Variants in LMAN2L observed in about 807,000 individuals in gnomAD.
The protein encoded by LMAN2L is VIP36-like protein.
In LMAN2L, 30 loss-of-function variants were observed where a neutral mutation model predicts 44.3. The ratio of observed to expected loss-of-function variants is 0.68; its 90% CI spans 0.51 to 0.92. The LOEUF (loss-of-function observed/expected upper bound fraction) is 0.92, where lower values mean the gene tolerates loss of function less well. Among genes scored for constraint, LMAN2L ranks in the 40% least tolerant of loss-of-function variants. The probability of loss-of-function intolerance (pLI) is 0.00; values close to 1 mark genes in which losing one functional copy is unlikely to be tolerated. For missense variants in LMAN2L, 429 were observed against 446.1 expected, an observed-to-expected ratio of 0.96 and a Z score of 0.35; for synonymous variants, 183 against 171.1, an observed-to-expected ratio of 1.07 and a Z score of -0.54.
At chr2:96,738,890 G>A (rs1243128342) in intron 1 of LMAN2L, among the ~76,000 whole-genome samples, 1 of 152,044 alleles carries the variant, frequency 6.6e-6, no homozygotes, top group Non-Finnish European at 1.5e-5. Context: ...ACAGGCGCCC[G>A]CCACCACACC....
chr2:96,724,977 G>A (rs867760207), intron 4 of LMAN2L, among the ~76,000 whole-genome samples: 10 of 151,850 alleles, frequency 6.6e-5, no homozygotes, highest in Admixed American at 3.9e-4. Flanking sequence ...GACTACAGGC[G>A]CCGCCACCAT....
chr2:96,718,460 T>C (rs2078086400), intron 4 of LMAN2L, among the ~76,000 whole-genome samples: 1 of 152,180 alleles, frequency 6.6e-6, no homozygotes. Flanking sequence ...TACGCTTTTG[T>C]TTTTTCAGCA....
intron 2 of LMAN2L, among the ~76,000 whole-genome samples, chr2:96,736,791 C>T (rs1325122706): frequency 6.6e-6 from 1 of 152,104 alleles, no homozygotes; most frequent in African/African-American, 2.4e-5. Context: ...AGAGCTGGAC[C>T]GAGAATCCCA....
chr2:96,729,547 C>T (rs1292671504), intron 4 of LMAN2L, among the ~76,000 whole-genome samples: 1 of 150,102 alleles, frequency 6.7e-6, no homozygotes, highest in African/African-American at 2.5e-5. Flanking sequence ...TTGCTCTTGT[C>T]GCCCAGGCTG....
At chr2:96,707,658 G>T (rs2077813541) in intron 7 of LMAN2L, 56 bp downstream of exon 7, 5 of 1,605,102 alleles carry the variant, frequency 3.1e-6, no homozygotes, top group Admixed American at 1.7e-5. Flanking sequence ...TATGGGTACA[G>T]CACTGCAAGC....
chr2:96,710,863 A>G (rs1029157838), intron 6 of LMAN2L, among the ~76,000 whole-genome samples: 2 of 152,212 alleles, frequency 1.3e-5, no homozygotes, highest in African/African-American at 2.4e-5. Flanking sequence ...TATATTAATC[A>G]AAAGAAACAG....
At chr2:96,723,022 A>G (rs1352076596) in intron 4 of LMAN2L, among the ~76,000 whole-genome samples, 1 of 152,150 alleles carries the variant, frequency 6.6e-6, no homozygotes, top group Non-Finnish European at 1.5e-5. Context: ...TCCATCTCAA[A>G]AAAAAAAAAG....
At chr2:96,730,799 T>C (rs2078377818) in intron 4 of LMAN2L, among the ~76,000 whole-genome samples, 1 of 152,144 alleles carries the variant, frequency 6.6e-6, no homozygotes, top group African/African-American at 2.4e-5. Flanking sequence ...CTCAGCCTCC[T>C]GAGTAGCTGG....
intron 4 of LMAN2L, among the ~76,000 whole-genome samples, chr2:96,717,334 G>A (rs1558951841): frequency 6.6e-6 from 1 of 151,980 alleles, no homozygotes; most frequent in Non-Finnish European, 1.5e-5. Context: ...GACCCTAGGA[G>A]TTTGAGACCA....
chr2:96,731,158 T>A (rs6576982), intron 4 of LMAN2L, among the ~76,000 whole-genome samples: 7,706 of 152,084 alleles, frequency 0.051, 651 homozygotes, highest in African/African-American at 0.18. Flanking sequence ...TGCCCCAGAG[T>A]TCCCCCATCA....
rs1269660916 is a variant in LMAN2L at position 96,707,140 on chromosome 2, A to T, written c.*116T>A. ...ATTCAAAACTCCAGTGACAGAATAT[A>T]GTCCCCAACCAGCTGCTAGAGACAA... On this transcript the variant is annotated 3_prime_UTR_variant, in exon 8 of 8. Transcript: ENST00000264963. The T allele has an allele frequency of 4.1e-6, 4 of 980,284 alleles. No individual in the cohort carries two copies. The highest frequency in any genetic ancestry group is 2.5e-5 in the Admixed American group (1 of 39,348). 60.7% of individuals were successfully genotyped at this position (980,284 alleles called of 1,614,324 possible).
At chr2:96,719,504 T>C (rs910277354) in intron 4 of LMAN2L, among the ~76,000 whole-genome samples, 1 of 152,008 alleles carries the variant, frequency 6.6e-6, no homozygotes, top group African/African-American at 2.4e-5. Flanking sequence ...ATCCTAGCAC[T>C]TCGGGAGGCC....
chr2:96,720,239 A>G (rs567779596), intron 4 of LMAN2L, among the ~76,000 whole-genome samples: 5 of 152,268 alleles, frequency 3.3e-5, no homozygotes, highest in African/African-American at 4.8e-5. Flanking sequence ...GGTGAGGCCC[A>G]AACATCTCAC....
At chr2:96,717,257 T>C (rs1422517189) in intron 4 of LMAN2L, among the ~76,000 whole-genome samples, 1 of 151,794 alleles carries the variant, frequency 6.6e-6, no homozygotes, top group Admixed American at 6.6e-5. Context: ...AAGAAAAGGA[T>C]GGCCAGGTGT....
rs1574008301 is a variant in LMAN2L, at chr2:96,719,487, G to A, written c.508-7462C>T. Reference sequence around the variant, plus strand: ...AAGGGGACTGAGTGTGGTGGCTCATGCCTGTAATCCTAGCACTTCGGGAGG... The same window carrying A: ...AAGGGGACTGAGTGTGGTGGCTCATACCTGTAATCCTAGCACTTCGGGAGG... On this transcript the variant is annotated intron_variant, in intron 4 of 7. Coordinates refer to ENST00000264963, the MANE Select transcript of LMAN2L (RefSeq NM_030805.4). 5.9e-5 allele frequency among the ~76,000 whole-genome samples: 9 copies of A among 152,174 alleles called. 1 individual carries two copies. In the South Asian group the frequency reaches 1.9e-3, roughly 32 times the overall value.
At chr2:96,713,007 C>T (rs1025159794) in intron 4 of LMAN2L, 22 of 982,730 alleles carry the variant, frequency 2.2e-5, no homozygotes, top group Admixed American at 1.9e-4. Flanking sequence ...GACCAGAGAC[C>T]GGGGACTCCT....
chr2:96,719,842 T>A (rs964232264), intron 4 of LMAN2L, among the ~76,000 whole-genome samples: 1 of 152,160 alleles, frequency 6.6e-6, no homozygotes, highest in African/African-American at 2.4e-5. Context: ...GCTGGGATTA[T>A]AGGCATTGGC....
intron 4 of LMAN2L, among the ~76,000 whole-genome samples, chr2:96,716,046 A>G (rs2078033885): frequency 6.6e-6 from 1 of 152,242 alleles, no homozygotes; most frequent in Non-Finnish European, 1.5e-5. Context: ...AGATACAAAT[A>G]TCGTTCACAG....
chr2:96,719,954 G>T (rs2078116074), intron 4 of LMAN2L, among the ~76,000 whole-genome samples: 1 of 152,106 alleles, frequency 6.6e-6, no homozygotes, highest in South Asian at 2.1e-4. Context: ...TTAAGCCTAG[G>T]AGTTCGAGGC....
Sources: allele counts gnomAD v4.1 joint callset (sites outside exome capture counted in the v4.1 genomes callset), GRCh38; gene constraint gnomAD v4.1.1; transcripts MANE v1.5; gene names NCBI Gene and HGNC (gene_info 2026-07-23, HGNC 2026-07-21).